Variants in ACER2 observed in about 807,000 individuals in gnomAD.
ACER2 encodes the protein alkCDase 2.
A neutral mutation model predicts 34.7 loss-of-function variants in ACER2; 26 were observed. The ratio of observed to expected loss-of-function variants is 0.75; its 90% CI spans 0.55 to 1.04. The LOEUF is 1.04. Ranked by LOEUF, ACER2 falls within the 50% of genes least tolerant of loss-of-function variation. ACER2 has a pLI of 0.00. For synonymous variants in ACER2, 138 were observed against 132.1 expected (o/e 1.04, Z -0.31); for missense variants, 352 against 340.8 (o/e 1.03, Z -0.26).
At chr9:19,442,664 C>A (rs1831194866) in intron 4 of ACER2, among the ~76,000 whole-genome samples, 1 of 152,230 alleles carries the variant, frequency 6.6e-6, no homozygotes, top group African/African-American at 2.4e-5. Flanking sequence ...GCCAAACTTT[C>A]TAGGTTTAAT....
At chr9:19,450,146 G>A (rs1300896309) in intron 5 of ACER2, 14 of 963,028 alleles carry the variant, frequency 1.5e-5, no homozygotes, top group Non-Finnish European at 1.7e-5. Flanking sequence ...CATCTCTGTT[G>A]TAAATCCTTG....
Position 19,451,876 on chromosome 9 carries a change from G to C in ACER2, c.*1240G>C, listed in dbSNP as rs1831581219. 6.6e-6 allele frequency: 1 copy of C among 152,262 alleles called. No homozygotes were observed. Among genetic ancestry groups the C allele is most frequent in the Non-Finnish European group, 1.5e-5 (1 of 68,058 alleles). 9.4% of individuals were successfully genotyped at this position (152,262 alleles called of 1,614,324 possible). On this transcript the variant is annotated 3_prime_UTR_variant, in exon 6 of 6. Coordinates refer to ENST00000340967, the MANE Select transcript of ACER2 (RefSeq NM_001010887.3). ...ACTTCTTGTTTCTGTTGTGTTTTCT[G>C]TGGGCATCATGTTCTTCACGCTTGC...
chr9:19,432,639 C>A (rs945026656), intron 3 of ACER2, among the ~76,000 whole-genome samples: 1 of 147,312 alleles, frequency 6.8e-6, no homozygotes, highest in African/African-American at 2.5e-5. Flanking sequence ...TTTATTAATG[C>A]ACATATTTAA....
intron 3 of ACER2, among the ~76,000 whole-genome samples, chr9:19,433,941 G>A (rs926500498): frequency 6.6e-6 from 1 of 151,912 alleles, no homozygotes; most frequent in Non-Finnish European, 1.5e-5. Context: ...GCGGCTGGCC[G>A]GGCAGGGGGC....
At chr9:19,415,069 A>G (rs180976661) in intron 1 of ACER2, among the ~76,000 whole-genome samples, 1 of 152,284 alleles carries the variant, frequency 6.6e-6, no homozygotes, top group East Asian at 1.9e-4. Context: ...TGACGTCTTT[A>G]AAAGGTACAG....
At position 19,415,087 on chromosome 9, in the gene ACER2, C is replaced by T. The variant is rs548570705; in HGVS notation, c.108+5895C>T. Among the ~76,000 whole-genome samples, 4 of 152,180 alleles carry T rather than the reference C, an allele frequency of 2.6e-5. No homozygotes were observed. The East Asian group carries it at 7.7e-4, about 29-fold the overall frequency. ...CGTCTTTAAAAGGTACAGTGGGGGC[C>T]AGCCAGCCTTGGTAGATGGGCTAGG... On this transcript the variant is annotated intron_variant, in intron 1 of 5. Transcript: ENST00000340967.
At chr9:19,443,653 G>A (rs1452424120) in intron 4 of ACER2, among the ~76,000 whole-genome samples, 5 of 151,952 alleles carry the variant, frequency 3.3e-5, no homozygotes, top group Non-Finnish European at 5.9e-5. Context: ...AGGCTAGTTT[G>A]TTTGTTTGTT....
chr9:19,431,872 T>C (rs1830764983), intron 3 of ACER2, among the ~76,000 whole-genome samples: 1 of 152,264 alleles, frequency 6.6e-6, no homozygotes, highest in African/African-American at 2.4e-5. Context: ...GATTTCTTTA[T>C]AATGGAATTT....
intron 5 of ACER2, 158 bp downstream of exon 5, chr9:19,446,576 C>T (rs556822303): frequency 1.8e-5 from 18 of 985,294 alleles, no homozygotes; most frequent in Non-Finnish European, 2.0e-5. Flanking sequence ...CCACTGAAAG[C>T]ACACTTTGTA....
chr9:19,423,587 G>A (rs1830472009), intron 1 of ACER2, among the ~76,000 whole-genome samples: 2 of 152,152 alleles, frequency 1.3e-5, no homozygotes, highest in Non-Finnish European at 2.9e-5. Flanking sequence ...TGTAATCCCA[G>A]CTACTCAGGA....
At position 19,450,661 on chromosome 9, in the gene ACER2, T is replaced by C; in HGVS notation, c.*25T>C. 1 of 1,529,316 alleles carries C rather than the reference T, an allele frequency of 6.5e-7. No individual in the cohort carries two copies. The highest frequency in any genetic ancestry group is 8.9e-7 in the Non-Finnish European group (1 of 1,120,936). 94.7% of individuals were successfully genotyped at this position (1,529,316 alleles called of 1,614,324 possible). On this transcript the variant is annotated 3_prime_UTR_variant, in exon 6 of 6. Transcript: ENST00000340967. The stretch of plus-strand genomic sequence containing the variant: ...ATGGCAAGATGGTGGCTGGCTTCTC[T>C]GCTTATCGCCCCTCATGCAGTGGGC...
intron 1 of ACER2, among the ~76,000 whole-genome samples, chr9:19,418,209 G>C (rs908304985): frequency 6.6e-6 from 1 of 152,220 alleles, no homozygotes; most frequent in Admixed American, 6.5e-5. Context: ...AGATGCTAGA[G>C]AGGATGTGGA....
At position 19,424,726 on chromosome 9, in the gene ACER2, A is replaced by T; in HGVS notation, c.250A>T (p.Thr84Ser). ...AATTGGATCCGTCTACTTCCATGCA[A>T]CCCTTAGTTTCTTGGGTCAGATGCT... Reference protein sequence around the residue: ...VGIGSVYFHATLSFLGQMLDE... With the variant: ...VGIGSVYFHASLSFLGQMLDE... The change falls in exon 3 of 6, where the codon ACC (threonine) becomes TCC (serine). Residue 84 changes from threonine to serine, a missense_variant. Transcript: ENST00000340967. 1 of 1,613,840 alleles carries T rather than the reference A, an allele frequency of 6.2e-7. No homozygotes were observed. Among genetic ancestry groups the T allele is most frequent in the Non-Finnish European group, 8.5e-7 (1 of 1,180,004 alleles).
intron 1 of ACER2, among the ~76,000 whole-genome samples, chr9:19,420,756 A>T (rs1463296687): frequency 6.6e-6 from 1 of 152,192 alleles, no homozygotes; most frequent in Non-Finnish European, 1.5e-5. Flanking sequence ...AAGGTCCAAG[A>T]TCAAGGTGGC....
intron 1 of ACER2, among the ~76,000 whole-genome samples, chr9:19,414,776 G>A (rs1830191892): frequency 6.6e-6 from 1 of 151,852 alleles, no homozygotes; most frequent in Non-Finnish European, 1.5e-5. Context: ...TCCTTGAGAG[G>A]CGGAGCATGC....
At chr9:19,436,163 T>C (rs1830965031) in intron 4 of ACER2, among the ~76,000 whole-genome samples, 1 of 152,014 alleles carries the variant, frequency 6.6e-6, no homozygotes, top group African/African-American at 2.4e-5. Context: ...GCAGTCCTCT[T>C]GCCTCAGCGT....
chr9:19,452,200 A>G lies in ACER2; in HGVS notation c.*1564A>G, dbSNP rs532741609. Among the ~76,000 whole-genome samples, 13 of 152,296 alleles carry G rather than the reference A, an allele frequency of 8.5e-5. No homozygotes were observed. Among genetic ancestry groups the G allele is most frequent in the Middle Eastern group, 3.4e-3 (1 of 294 alleles). ...TAACATTCCATTGTTGGGAGAGGGC[A>G]GGACAGGTGTGTTCTTCTGTGGGCA... On this transcript the variant is annotated 3_prime_UTR_variant, in exon 6 of 6. Transcript: ENST00000340967.
At chr9:19,432,865 A>G (rs530311813) in intron 3 of ACER2, among the ~76,000 whole-genome samples, 50 of 151,358 alleles carry the variant, frequency 3.3e-4, no homozygotes, top group Middle Eastern at 3.4e-3. Context: ...AAGTGCTAGG[A>G]TTACAGGTGT....
At position 19,450,440 on chromosome 9, in the gene ACER2, C is replaced by G. The variant is rs747643366; in HGVS notation, c.642-10C>G. 1 of 1,580,502 alleles carries G rather than the reference C, an allele frequency of 6.3e-7. No individual in the cohort carries two copies. The highest frequency in any genetic ancestry group is 1.7e-5 in the Admixed American group (1 of 59,532). On this transcript the variant is annotated splice_polypyrimidine_tract_variant and intron_variant, in intron 5 of 5. Coordinates refer to ENST00000340967, the MANE Select transcript of ACER2 (RefSeq NM_001010887.3). Reference sequence around the variant, plus strand: ...CTCATCAGGTTCTCACCTCTTGTCTCCCTCTGCAGGCACATCCTCATCTGC... The same window carrying G: ...CTCATCAGGTTCTCACCTCTTGTCTGCCTCTGCAGGCACATCCTCATCTGC...
Sources: gnomAD v4.1 joint callset for allele counts (sites outside exome capture counted in the v4.1 genomes callset) on GRCh38, gnomAD v4.1.1 for gene constraint, MANE v1.5 for transcripts, NCBI Gene and HGNC (gene_info 2026-07-23, HGNC 2026-07-21) for gene names.